Variants in KTN1 observed in about 807,000 individuals in gnomAD.
The protein encoded by KTN1 is kinectin 1.
A neutral mutation model predicts 222.5 loss-of-function variants in KTN1; 130 were observed. The observed-to-expected ratio is 0.58, with a 90% CI of 0.51 to 0.68. The LOEUF (loss-of-function observed/expected upper bound fraction) is 0.68, where lower values mean the gene tolerates loss of function less well. Ranked by LOEUF, KTN1 falls within the 30% of genes least tolerant of loss-of-function variation. KTN1 has a pLI of 0.00. For missense variants in KTN1, 1,508 were observed against 1,500.4 expected, an observed-to-expected ratio of 1.01 and a Z score of -0.08; for synonymous variants, 512 against 496.3, an observed-to-expected ratio of 1.03 and a Z score of -0.42.
intron 32 of KTN1, among the ~76,000 whole-genome samples, chr14:55,662,462 G>A (rs1349647561): frequency 2.0e-5 from 3 of 152,122 alleles, no homozygotes; most frequent in Non-Finnish European, 4.4e-5. Flanking sequence ...TACTAGAAAG[G>A]GAAGGGATAG....
intron 1 of KTN1, among the ~76,000 whole-genome samples, chr14:55,588,612 TCA>T (rs776721750): frequency 1.3e-4 from 20 of 152,194 alleles, no homozygotes; most frequent in Non-Finnish European, 2.9e-4. Flanking sequence ...ACACTTGAGC[TCA>T]CAGTAATACC....
chr14:55,659,715 G>A lies in KTN1; in HGVS notation c.2999+12G>A. ...GAATTATTAAAAGTGTAAGTAATAAGTTTGAGTCACAGTTTATAAAGTCGT... is the reference window on the plus strand; with the variant it reads ...GAATTATTAAAAGTGTAAGTAATAAATTTGAGTCACAGTTTATAAAGTCGT... On this transcript the variant is annotated intron_variant, in intron 31 of 43. Coordinates refer to ENST00000395314, the MANE Select transcript of KTN1 (RefSeq NM_001079521.2). 2.0e-5 allele frequency: 28 copies of A among 1,419,458 alleles called. No individual in the cohort carries two copies. Among genetic ancestry groups the A allele is most frequent in the Non-Finnish European group, 2.8e-5 (28 of 1,005,362 alleles). The allele number at this position is 1,419,458 out of a possible 1,614,324, so 87.9% of individuals were successfully genotyped here. A position where few individuals can be genotyped will look rare whatever the true frequency, so the allele number is the denominator to read the frequency against.
chr14:55,584,711 C>T (rs568535665), intron 1 of KTN1, among the ~76,000 whole-genome samples: 2 of 150,860 alleles, frequency 1.3e-5, no homozygotes, highest in African/African-American at 4.9e-5. Flanking sequence ...TTCCACATAA[C>T]CCTCAAACAC....
intron 1 of KTN1, among the ~76,000 whole-genome samples, chr14:55,595,616 T>C (rs1376115140): frequency 6.6e-6 from 1 of 152,264 alleles, no homozygotes; most frequent in African/African-American, 2.4e-5. Context: ...TTTGGTACAT[T>C]GTTAAGATAC....
intron 43 of KTN1, chr14:55,682,200 G>A (rs1463015118): frequency 6.6e-6 from 1 of 152,036 alleles, no homozygotes; most frequent in Non-Finnish European, 1.5e-5. Context: ...GTAGGGGTAG[G>A]TGTATTTAAC....
intron 1 of KTN1, among the ~76,000 whole-genome samples, chr14:55,587,838 A>G (rs1009952918): frequency 6.6e-6 from 1 of 152,174 alleles, no homozygotes; most frequent in African/African-American, 2.4e-5. Flanking sequence ...AATAGCTTCC[A>G]GTTTGACTAG....
In KTN1 at chr14:55,667,347, A is replaced by G. The variant is rs370290496; in HGVS notation, c.3267+17A>G. ...TCTAATTTGGTAAGACTAATTTATT[A>G]TTTTTTTAACATGATGACATTATTC... On this transcript the variant is annotated intron_variant, in intron 34 of 43. Coordinates refer to ENST00000395314, the MANE Select transcript of KTN1 (RefSeq NM_001079521.2). 1.4e-6 allele frequency: 2 copies of G among 1,413,918 alleles called. No individual in the cohort carries two copies. The highest frequency in any genetic ancestry group is 2.9e-5 in the African/African-American group (2 of 69,718). 87.6% of individuals were successfully genotyped at this position (1,413,918 alleles called of 1,614,324 possible).
At chr14:55,633,387 T>C (rs1425196702) in intron 8 of KTN1, 46 bp downstream of exon 8, 1 of 1,125,994 alleles carries the variant, frequency 8.9e-7, no homozygotes, top group South Asian at 1.7e-5. Context: ...GCAGAGTATT[T>C]TCTTGAATCA....
intron 33 of KTN1, among the ~76,000 whole-genome samples, chr14:55,665,313 TG>T (rs2044599389): frequency 6.6e-6 from 1 of 152,026 alleles, no homozygotes; most frequent in South Asian, 2.1e-4. Flanking sequence ...TTAGTGGGAC[TG>T]GGTATGTGGG....
At chr14:55,609,919 T>C (rs1337050442) in intron 1 of KTN1, among the ~76,000 whole-genome samples, 4 of 152,192 alleles carry the variant, frequency 2.6e-5, no homozygotes, top group African/African-American at 9.7e-5. Context: ...GCATTCCTGG[T>C]TGACGAATCA....
At chr14:55,633,027 T>G (rs2040708865) in intron 7 of KTN1, among the ~76,000 whole-genome samples, 1 of 152,234 alleles carries the variant, frequency 6.6e-6, no homozygotes, top group African/African-American at 2.4e-5. Flanking sequence ...CTACTTGTAT[T>G]CTTGAATGTG....
intron 31 of KTN1, 31 bp downstream of exon 31, chr14:55,659,734 A>C: frequency 7.9e-7 from 1 of 1,267,788 alleles, no homozygotes; most frequent in Non-Finnish European, 1.1e-6. Context: ...ACAGTTTATA[A>C]AGTCGTAACT....
chr14:55,647,389 C>T (rs2042470223), intron 19 of KTN1, among the ~76,000 whole-genome samples: 1 of 152,050 alleles, frequency 6.6e-6, no homozygotes, highest in African/African-American at 2.4e-5. Flanking sequence ...AATCCCAGCA[C>T]TTTGGGAGGC....
At chr14:55,666,622 G>A (rs1402772427) in intron 33 of KTN1, among the ~76,000 whole-genome samples, 1 of 151,900 alleles carries the variant, frequency 6.6e-6, no homozygotes, top group Non-Finnish European at 1.5e-5. Flanking sequence ...ACAAGTGTCA[G>A]AACTAGTTTT....
chr14:55,672,467 G>C, intron 37 of KTN1, 163 bp from the exon 38 acceptor site: 1 of 537,232 alleles, frequency 1.9e-6, no homozygotes, highest in Non-Finnish European at 3.3e-6. Context: ...TTTAAATCAA[G>C]TTCAATGTGA....
chr14:55,610,380 G>A (rs1296619322), intron 1 of KTN1, among the ~76,000 whole-genome samples: 1 of 152,072 alleles, frequency 6.6e-6, no homozygotes, highest in African/African-American at 2.4e-5. Context: ...ATGTGTAAGT[G>A]TACCTGTGCA....
At chr14:55,663,089 A>C (rs1480688875) in intron 32 of KTN1, 7 of 407,688 alleles carry the variant, frequency 1.7e-5, no homozygotes, top group Non-Finnish European at 3.5e-5. Context: ...CTATCTATAG[A>C]ATGGGAATAA....
In KTN1 at chr14:55,580,373, C is replaced by T. The variant is rs1161558115; in HGVS notation, c.-31+19C>T. 6.8e-6 allele frequency: 1 copy of T among 146,958 alleles called. No homozygotes were observed. The highest frequency in any genetic ancestry group is 2.5e-5 in the African/African-American group (1 of 40,756). 9.1% of individuals were successfully genotyped at this position (146,958 alleles called of 1,614,324 possible). On this transcript the variant is annotated intron_variant, in intron 1 of 43. Coordinates refer to ENST00000395314, the MANE Select transcript of KTN1 (RefSeq NM_001079521.2). ...GCACAGGGTGAGGGAGAGCAGGCCG[C>T]ACCGGGACGGGCGCCGGCGGCGGGG...
intron 33 of KTN1, among the ~76,000 whole-genome samples, 177 bp downstream of exon 33, chr14:55,664,218 G>A (rs2044455560): frequency 6.6e-6 from 1 of 151,964 alleles, no homozygotes; most frequent in Non-Finnish European, 1.5e-5. Context: ...TTAATTTTGG[G>A]CATGCTGATT....
Sources: allele counts gnomAD v4.1 joint callset (sites outside exome capture counted in the v4.1 genomes callset), GRCh38; gene constraint gnomAD v4.1.1; transcripts MANE v1.5; gene names NCBI Gene and HGNC (gene_info 2026-07-23, HGNC 2026-07-21).